Variants in DGCR8 observed in about 807,000 individuals in gnomAD.
DGCR8 encodes the protein microprocessor complex subunit DGCR8.
Under a neutral mutation model 78.5 loss-of-function variants are expected in DGCR8, and 14 were observed. The observed-to-expected ratio is 0.18, with a 90% confidence interval of 0.12 to 0.28. The LOEUF (loss-of-function observed/expected upper bound fraction) is 0.28. Ranked by LOEUF, DGCR8 falls within the 10% of genes least tolerant of loss-of-function variation. The pLI, the probability that DGCR8 is intolerant of heterozygous loss-of-function variation, is 1.00. For synonymous variants in DGCR8, 399 were observed against 402.4 expected (o/e 0.99, Z 0.10); for missense variants, 702 against 1,022.5 (o/e 0.69, Z 4.28).
Position 20,087,150 on chromosome 22 carries a change from C to T in DGCR8, c.721-12C>T, listed in dbSNP as rs369281938. Reference sequence around the variant, plus strand: ...GCCAGGGGCTCTGGTGTCTGAACAGCGTGTTTTGCAGGATGACTTTGACAA... The same window carrying T: ...GCCAGGGGCTCTGGTGTCTGAACAGTGTGTTTTGCAGGATGACTTTGACAA... On this transcript the variant is annotated splice_polypyrimidine_tract_variant and intron_variant, in intron 2 of 13. Transcript: ENST00000351989. This position sits in a 1 kb window ranked among gnomAD's most constrained non-coding sequence, Gnocchi z 4.1. 242 of 1,602,662 alleles carry T rather than the reference C, an allele frequency of 1.5e-4. No homozygotes were observed. The highest frequency in any genetic ancestry group is 2.0e-4 in the Non-Finnish European group (230 of 1,172,542).
At chr22:20,082,429 C>T (rs542710697) in intron 1 of DGCR8, among the ~76,000 whole-genome samples, 2 of 151,536 alleles carry the variant, frequency 1.3e-5, no homozygotes, top group Admixed American at 6.6e-5. Flanking sequence ...TGCAGTGGTG[C>T]GATCTCCCGC....
rs2049705276 is a variant in DGCR8, at chr22:20,101,769, C to T, written c.1789-4408C>T. ...TCTCAGGTTGTGTCCCCGCCCCCTG[C>T]TCCTCCCAGCTGCCTGTGCAGAGGT... On this transcript the variant is annotated intron_variant, in intron 9 of 13. Transcript: ENST00000351989. 3 of 985,242 alleles carry T rather than the reference C, an allele frequency of 3.0e-6. No homozygotes were observed. In the South Asian group the frequency reaches 1.4e-4, roughly 46 times the overall value. 61.0% of individuals were successfully genotyped at this position (985,242 alleles called of 1,614,324 possible).
intron 11 of DGCR8, chr22:20,107,006 T>A: frequency 1.7e-6 from 1 of 576,200 alleles, no homozygotes; most frequent in Non-Finnish European, 3.1e-6. Context: ...GAGGTGTGCG[T>A]CTTGGCGGGA....
At chr22:20,102,418 T>C (rs1358532831) in intron 9 of DGCR8, among the ~76,000 whole-genome samples, 1 of 152,232 alleles carries the variant, frequency 6.6e-6, no homozygotes, top group African/African-American at 2.4e-5. Context: ...ACCAGGTGGC[T>C]GTGCCCCTCA....
At chr22:20,096,294 A>AGCT (rs1342912652) in intron 9 of DGCR8, 1 of 166,776 alleles carries the variant, frequency 6.0e-6, no homozygotes, top group Non-Finnish European at 1.2e-5. Context: ...CATGTCGAAT[A>AGCT]GCTGAGGAGG....
At chr22:20,097,822 T>C (rs2049646820) in intron 9 of DGCR8, among the ~76,000 whole-genome samples, 1 of 149,814 alleles carries the variant, frequency 6.7e-6, no homozygotes, top group Admixed American at 6.6e-5. Context: ...ATTCTTTTTT[T>C]TTTTTTTTTT....
In DGCR8 at chr22:20,086,828, G is replaced by A. The variant is rs187575266; in HGVS notation, c.720+145G>A. The A allele has an allele frequency of 4.1e-4, 432 of 1,046,288 alleles. 2 individuals are homozygous for A. The African/African-American group carries it at 6.2e-3, about 15-fold the overall frequency. 64.8% of individuals were successfully genotyped at this position (1,046,288 alleles called of 1,614,324 possible). A position where few individuals can be genotyped will look rare whatever the true frequency, so the allele number is the denominator to read the frequency against. On this transcript the variant is annotated intron_variant, in intron 2 of 13. Coordinates refer to ENST00000351989, the MANE Select transcript of DGCR8 (RefSeq NM_022720.7). This position sits in a 1 kb window ranked among gnomAD's most constrained non-coding sequence, Gnocchi z 6.4. ...CTCTGAGGTGGAATAATGTTAATGT[G>A]GAGAAGAGAAAGATGTAAGGAGTCC... is the stretch of plus-strand genomic sequence containing the variant.
At chr22:20,090,368 G>T (rs1032827867) in intron 5 of DGCR8, 110 bp downstream of exon 5, 6 of 1,287,136 alleles carry the variant, frequency 4.7e-6, no homozygotes, top group Non-Finnish European at 6.3e-6. Flanking sequence ...GTGAGCAAGG[G>T]GCTGTGCACC....
chr22:20,107,386 G>A lies in DGCR8; in HGVS notation c.2112G>A (p.Lys704=). ...GCATGTATGGCCGTGAGAGCAGCAA[G>A]ATGGTCAAGCAGGTAACTGGCCATC... ...LLRMYGRESS[K]MVKQETSDKS... is the part of the protein sequence containing the mutation. Residue 704 remains lysine, a synonymous_variant, in exon 12 of 14, where the codon AAG becomes AAA. Coordinates refer to ENST00000351989, the MANE Select transcript of DGCR8 (RefSeq NM_022720.7). 5 of 1,614,128 alleles carry A rather than the reference G, an allele frequency of 3.1e-6. No individual in the cohort carries two copies. Among genetic ancestry groups the A allele is most frequent in the Non-Finnish European group, 4.2e-6 (5 of 1,180,018 alleles).
At chr22:20,083,398 T>G (rs1254132611) in intron 1 of DGCR8, among the ~76,000 whole-genome samples, 2 of 150,764 alleles carry the variant, frequency 1.3e-5, no homozygotes, top group Non-Finnish European at 3.0e-5. Context: ...GGAGAAAGCT[T>G]ATAGAGGGGA....
chr22:20,095,470 G>A (rs950201252), intron 9 of DGCR8, among the ~76,000 whole-genome samples: 3 of 152,122 alleles, frequency 2.0e-5, no homozygotes, highest in Non-Finnish European at 4.4e-5. Flanking sequence ...AGCCTCTCAC[G>A]TGGTCGAAAA....
chr22:20,089,642 A>G lies in DGCR8; in HGVS notation c.881-27A>G, dbSNP rs773202900. The stretch of plus-strand genomic sequence containing the variant: ...AATTCCAAGTGTTTTTACAGTGATT[A>G]TAGGATGTTCTTGTCTTCCTGTGCA... On this transcript the variant is annotated intron_variant, in intron 3 of 13. Transcript: ENST00000351989. The surrounding 1 kb of genome is among the most constrained non-coding windows in gnomAD (Gnocchi z 4.9). 6.2e-7 allele frequency: 1 copy of G among 1,612,938 alleles called. No homozygotes were observed. Among genetic ancestry groups the G allele is most frequent in the East Asian group, 2.2e-5 (1 of 44,878 alleles).
At chr22:20,094,661 G>A (rs2049606357) in intron 8 of DGCR8, 52 bp from the exon 9 acceptor site, 1 of 1,529,034 alleles carries the variant, frequency 6.5e-7, no homozygotes, top group East Asian at 2.3e-5. Context: ...CTGCAGGGTG[G>A]TGAGAAGAGG....
Position 20,106,982 on chromosome 22 carries a change from G to T in DGCR8, c.1996+284G>T, listed in dbSNP as rs2049778295. On this transcript the variant is annotated intron_variant, in intron 11 of 13. Coordinates refer to ENST00000351989, the MANE Select transcript of DGCR8 (RefSeq NM_022720.7). ...CTCGAACAGCCAGCAGAATCCTGCT[G>T]CTCCCTGTTTCTGGAGGTGTGCGTC... 6.9e-6 allele frequency: 4 copies of T among 575,898 alleles called. No homozygotes were observed. In the South Asian group the frequency reaches 8.2e-5, roughly 12 times the overall value. 35.7% of individuals were successfully genotyped at this position (575,898 alleles called of 1,614,324 possible).
At chr22:20,084,501 G>T (rs1295585989) in intron 1 of DGCR8, among the ~76,000 whole-genome samples, 1 of 152,096 alleles carries the variant, frequency 6.6e-6, no homozygotes, top group Non-Finnish European at 1.5e-5. Flanking sequence ...TCCTAGAGTT[G>T]CATCCTTAAC....
At chr22:20,093,262 G>A (rs1029317294) in intron 8 of DGCR8, among the ~76,000 whole-genome samples, 12 of 152,012 alleles carry the variant, frequency 7.9e-5, no homozygotes, top group Admixed American at 2.0e-4. Flanking sequence ...AAAATTAGCC[G>A]GGTGTGGTGG....
intron 7 of DGCR8, 22 bp from the exon 8 acceptor site, chr22:20,092,787 A>G (rs765821076): frequency 6.2e-7 from 1 of 1,603,734 alleles, no homozygotes; most frequent in Non-Finnish European, 8.5e-7. Flanking sequence ...TATGTTTTAA[A>G]ACAAGTAATT....
intron 9 of DGCR8, among the ~76,000 whole-genome samples, chr22:20,105,495 G>A (rs1016069553): frequency 2.6e-5 from 4 of 152,242 alleles, no homozygotes; most frequent in African/African-American, 9.6e-5. Context: ...TCCTAGTCTG[G>A]GAAGGCACAG....
At position 20,090,053 on chromosome 22, in the gene DGCR8, C is replaced by A. The variant is rs765244008; in HGVS notation, c.1101C>A (p.Ser367Arg). Residue 367 changes from serine (S) to arginine (R), a missense_variant, in exon 5 of 14, where the codon AGC (serine) becomes AGA (arginine). Ser to Arg is a moderately radical substitution (Grantham distance 110). Transcript: ENST00000351989. ...KMKDNEEREQ[S>R]SDLTPSGDVS... Reference sequence around the variant, plus strand: ...AGGACAACGAGGAACGGGAGCAAAGCAGTGACCTCACCCCTAGTGGGGATG... The same window carrying A: ...AGGACAACGAGGAACGGGAGCAAAGAAGTGACCTCACCCCTAGTGGGGATG... 1 of 1,614,222 alleles carries A rather than the reference C, an allele frequency of 6.2e-7. No individual in the cohort carries two copies. Among genetic ancestry groups the A allele is most frequent in the Non-Finnish European group, 8.5e-7 (1 of 1,180,036 alleles).
Sources: gnomAD v4.1 joint callset for allele counts (sites outside exome capture counted in the v4.1 genomes callset) on GRCh38, gnomAD v4.1.1 for gene constraint, Gnocchi (gnomAD v3.1) non-coding constraint, MANE v1.5 for transcripts, NCBI Gene and HGNC (gene_info 2026-07-23, HGNC 2026-07-21) for gene names.